Variants in POLA1 observed in about 807,000 individuals in gnomAD.
POLA1 encodes DNA polymerase alpha 1, catalytic subunit.
A neutral mutation model predicts 124.0 loss-of-function variants in POLA1; 15 were observed. The ratio of observed to expected loss-of-function variants is 0.12; its 90% confidence interval spans 0.08 to 0.19. The LOEUF (loss-of-function observed/expected upper bound fraction) is 0.19, where lower values mean the gene tolerates loss of function less well. Among genes scored for constraint, POLA1 ranks in the 10% least tolerant of loss-of-function variants. The pLI is 1.00. For synonymous variants in POLA1, 408 were observed against 389.4 expected, an observed-to-expected ratio of 1.05 and a Z score of -0.56; for missense variants, 886 against 1,103.4, an observed-to-expected ratio of 0.80 and a Z score of 2.79.
chrX:24,856,013 C>T (rs1468762290), intron 34 of POLA1, among the ~76,000 whole-genome samples: 1 of 112,153 alleles, frequency 8.9e-6, no homozygotes, highest in Non-Finnish European at 1.9e-5. Flanking sequence ...AGATAACTTT[C>T]CTATATTCAA....
chrX:24,851,571 C>T (rs1008632828), intron 34 of POLA1, among the ~76,000 whole-genome samples: 2 of 113,163 alleles, frequency 1.8e-5, no homozygotes, highest in African/African-American at 6.4e-5. Flanking sequence ...ACTAGTACAG[C>T]CATTGAAAGG....
chrX:24,813,624 C>T (rs7884389), intron 29 of POLA1, among the ~76,000 whole-genome samples: 3 of 111,494 alleles, frequency 2.7e-5, no homozygotes, highest in Admixed American at 9.4e-5. Context: ...GACCAACCTG[C>T]CCAACTTGGG....
In POLA1 at chrX:24,995,976, G is replaced by T. The variant is rs374941044; in HGVS notation, c.*26G>T. ...GGGAATCCCAGGAGTAACCAAGGAG[G>T]GGGTAGTTGAAAAATCCCAGCTTCC... On this transcript the variant is annotated 3_prime_UTR_variant, in exon 37 of 37. Coordinates refer to ENST00000379068, the MANE Select transcript of POLA1 (RefSeq NM_001330360.2). The T allele has an allele frequency of 7.5e-5, 89 of 1,190,440 alleles. No homozygotes were observed. Among genetic ancestry groups the T allele is most frequent in the Non-Finnish European group, 9.5e-5 (84 of 881,807 alleles).
rs2048324335 is a variant in POLA1 at position 24,973,189 on chromosome X, TCTA to T, written c.4262-22612_4262-22610del. On this transcript the variant is annotated intron_variant, in intron 36 of 36. Coordinates refer to ENST00000379068, the MANE Select transcript of POLA1 (RefSeq NM_001330360.2). ...ATGGCCAACATGGTGAAACCCCGTC[TCTA>T]CTAAAAATACAAAAAATTAGCTGGG... Among the ~76,000 whole-genome samples the T allele has an allele frequency of 2.7e-5, 3 of 111,255 alleles. No individual in the cohort carries two copies. The Admixed American group carries it at 2.9e-4, about 11-fold the overall frequency.
At chrX:24,878,195 C>T (rs1215013473) in intron 34 of POLA1, among the ~76,000 whole-genome samples, 2 of 111,101 alleles carry the variant, frequency 1.8e-5, no homozygotes, top group Non-Finnish European at 1.9e-5. Context: ...CAAACATTGC[C>T]TGGTGATAGT....
chrX:24,830,958 C>T (rs2046252170), intron 32 of POLA1, among the ~76,000 whole-genome samples: 1 of 111,632 alleles, frequency 9.0e-6, no homozygotes, highest in Non-Finnish European at 1.9e-5. Context: ...GGGCAGTTTT[C>T]TCATTGGTCC....
At chrX:24,914,712 C>T (rs2047505189) in intron 35 of POLA1, among the ~76,000 whole-genome samples, 1 of 111,684 alleles carries the variant, frequency 9.0e-6, no homozygotes, top group South Asian at 3.7e-4. Flanking sequence ...AACAGTAGTT[C>T]CGCATTCTTT....
intron 36 of POLA1, among the ~76,000 whole-genome samples, chrX:24,995,470 GT>G (rs756269773): frequency 3.2e-4 from 36 of 112,016 alleles, no homozygotes; most frequent in Non-Finnish European, 6.2e-4. Context: ...TTGCATGCAT[GT>G]GCTCGCAGCG....
chrX:24,851,965 C>G (rs1176280815), intron 34 of POLA1, among the ~76,000 whole-genome samples: 2 of 112,571 alleles, frequency 1.8e-5, no homozygotes, highest in African/African-American at 6.5e-5. Context: ...CATGCGTCAA[C>G]AAGAGATGGG....
At chrX:24,710,816 G>A (rs1388096374) in intron 4 of POLA1, among the ~76,000 whole-genome samples, 11 of 108,471 alleles carry the variant, frequency 1.0e-4, no homozygotes, top group Non-Finnish European at 3.8e-5. Flanking sequence ...ACAGGCACGC[G>A]CCACCATACC....
intron 31 of POLA1, among the ~76,000 whole-genome samples, chrX:24,826,140 C>T (rs996208158): frequency 1.2e-4 from 13 of 112,169 alleles, no homozygotes; most frequent in Admixed American, 1.0e-3. Flanking sequence ...TTAATCTGGT[C>T]ATTGCTATCT....
rs138887775 is a variant in POLA1 at position 24,714,603 on chromosome X, C to T, written c.396C>T (p.Leu132=). 20 of 1,200,121 alleles carry T rather than the reference C, an allele frequency of 1.7e-5. No individual in the cohort carries two copies. In the East Asian group the frequency reaches 2.4e-4, roughly 14 times the overall value. Residue 132 remains leucine, a synonymous_variant, in exon 5 of 37, where the codon CTC becomes CTT. Transcript: ENST00000379068. Reference sequence around the variant, plus strand: ...AAGACAAGAGGAATGTAAAGAAGCTCGCAGTGACAAAACCGAACAACATTA... The same window carrying T: ...AAGACAAGAGGAATGTAAAGAAGCTTGCAGTGACAAAACCGAACAACATTA... ...RNKDKRNVKK[L]AVTKPNNIKS...
chrX:24,879,400 A>G (rs2046975297), intron 34 of POLA1, among the ~76,000 whole-genome samples: 1 of 112,041 alleles, frequency 8.9e-6, no homozygotes, highest in African/African-American at 3.2e-5. Flanking sequence ...ATATAGGGGG[A>G]AAAAAGTATT....
chrX:24,736,179 A>G (rs1931264231), intron 18 of POLA1, among the ~76,000 whole-genome samples: 1 of 111,428 alleles, frequency 9.0e-6, no homozygotes, highest in African/African-American at 3.3e-5. Flanking sequence ...TGGATGTGAT[A>G]TGGGTAATTT....
intron 26 of POLA1, among the ~76,000 whole-genome samples, chrX:24,765,278 G>A (rs745633591): frequency 6.5e-5 from 7 of 107,177 alleles, no homozygotes; most frequent in South Asian, 4.2e-4. Flanking sequence ...TTGTGTGTGC[G>A]TGGTGTTTTT....
chrX:24,969,320 G>T (rs1038033992), intron 36 of POLA1, among the ~76,000 whole-genome samples: 1 of 111,131 alleles, frequency 9.0e-6, no homozygotes. Flanking sequence ...ATAACAGTGT[G>T]CCAGTGGTGA....
intron 34 of POLA1, among the ~76,000 whole-genome samples, chrX:24,851,258 G>A (rs980105950): frequency 8.9e-6 from 1 of 112,227 alleles, no homozygotes; most frequent in African/African-American, 3.2e-5. Flanking sequence ...ATAGGTGCTC[G>A]GTAAATTTTA....
intron 34 of POLA1, among the ~76,000 whole-genome samples, chrX:24,864,404 T>C (rs1424700802): frequency 1.8e-5 from 2 of 112,471 alleles, no homozygotes; most frequent in Middle Eastern, 4.2e-3. Context: ...CTATTTTGTA[T>C]ACCACTCTAG....
chrX:24,748,845 G>A, intron 25 of POLA1, 25 bp from the exon 26 acceptor site: 3 of 1,203,213 alleles, frequency 2.5e-6, no homozygotes, highest in Non-Finnish European at 3.4e-6. Flanking sequence ...GTTGTTGTTT[G>A]TCTTTTGTTC....
Sources: gnomAD v4.1 joint callset for allele counts (sites outside exome capture counted in the v4.1 genomes callset) on GRCh38, gnomAD v4.1.1 for gene constraint, MANE v1.5 for transcripts, NCBI Gene and HGNC (gene_info 2026-07-23, HGNC 2026-07-21) for gene names.